PLXNA2: variants seen among roughly 807,000 people sequenced by gnomAD.
PLXNA2 encodes plexin-A2.
PLXNA2 carries 91 observed loss-of-function variants against 193.5 expected under a neutral mutation model. That is an observed-to-expected ratio of 0.47 (90% CI 0.40 to 0.56). The LOEUF is 0.56. Among genes scored for constraint, PLXNA2 ranks in the 20% least tolerant of loss-of-function variants. The pLI is 0.00. For missense variants in PLXNA2, 1,995 were observed against 2,503.2 expected, an observed-to-expected ratio of 0.80 and a Z score of 4.33; for synonymous variants, 997 against 1,027.3, an observed-to-expected ratio of 0.97 and a Z score of 0.56.
chr1:208,047,661 C>G (rs1665122579), intron 17 of PLXNA2, among the ~76,000 whole-genome samples: 1 of 152,256 alleles, frequency 6.6e-6, no homozygotes, highest in Non-Finnish European at 1.5e-5. Context: ...CTCAAGTACA[C>G]ACTGTCCTGG....
At chr1:208,215,918 C>T (rs1437105214) in intron 2 of PLXNA2, among the ~76,000 whole-genome samples, 1 of 152,164 alleles carries the variant, frequency 6.6e-6, no homozygotes, top group Admixed American at 6.5e-5. Context: ...TCATCCTCTC[C>T]TCTTTTGCCT....
intron 4 of PLXNA2, among the ~76,000 whole-genome samples, chr1:208,137,200 C>G (rs541296573): frequency 1.2e-4 from 18 of 152,220 alleles, no homozygotes; most frequent in Non-Finnish European, 2.5e-4. Context: ...TCCCAAGGCC[C>G]TTTCCAGTCT....
intron 4 of PLXNA2, among the ~76,000 whole-genome samples, chr1:208,123,551 G>T (rs757716722): frequency 1.1e-4 from 16 of 152,128 alleles, no homozygotes; most frequent in Non-Finnish European, 2.4e-4. Context: ...CTTGTCTCTT[G>T]GTTTTTATGA....
rs1665241720 is a variant in PLXNA2 at position 208,051,032 on chromosome 1, A to G, written c.3232T>C (p.Phe1078Leu). The G allele has an allele frequency of 1.2e-6, 2 of 1,613,744 alleles. No homozygotes were observed. Among genetic ancestry groups the G allele is most frequent in the Admixed American group, 1.7e-5 (1 of 60,002 alleles). Reference sequence around the variant, plus strand: ...ACATTGACAGATTCTTTGCCATTGAATTTGACTCGGATCCTTGGCTCCTGA... The same window carrying G: ...ACATTGACAGATTCTTTGCCATTGAGTTTGACTCGGATCCTTGGCTCCTGA... ...VIQEPRIRVK[F>L]NGKESVNVCK... The change falls in exon 17 of 32, where the codon TTC becomes CTC. Residue 1078 changes from phenylalanine (F) to leucine (L), a missense_variant. Phe to Leu is a conservative substitution (Grantham distance 22). Around this residue, in one of 3 missense-constraint regions of PLXNA2, gnomAD observed 1,291 missense variants for 1,673.6 expected, o/e 0.77. Transcript: ENST00000367033.
intron 4 of PLXNA2, among the ~76,000 whole-genome samples, chr1:208,141,226 C>T (rs1304607768): frequency 6.6e-6 from 1 of 152,328 alleles, no homozygotes; most frequent in East Asian, 1.9e-4. Flanking sequence ...TTAATGCTGT[C>T]GTGTGCACAC....
At chr1:208,081,026 C>T (rs1031899563) in intron 11 of PLXNA2, among the ~76,000 whole-genome samples, 4 of 152,220 alleles carry the variant, frequency 2.6e-5, no homozygotes, top group African/African-American at 9.6e-5. Context: ...GTGAAGACAA[C>T]GCTGTCTGTG....
intron 17 of PLXNA2, among the ~76,000 whole-genome samples, chr1:208,047,691 C>T (rs116001867): frequency 0.017 from 2,654 of 152,338 alleles, 40 homozygotes; most frequent in Middle Eastern, 0.031. Flanking sequence ...ACATGTTATG[C>T]GTCTGGCCAA....
chr1:208,141,604 C>T (rs1302560733), intron 4 of PLXNA2, among the ~76,000 whole-genome samples: 3 of 152,282 alleles, frequency 2.0e-5, no homozygotes, highest in East Asian at 1.9e-4. Context: ...GGAATGTGTC[C>T]GGCTTGGCTA....
chr1:208,222,431 A>C (rs146999635), intron 1 of PLXNA2, among the ~76,000 whole-genome samples: 63 of 152,328 alleles, frequency 4.1e-4, no homozygotes, highest in Non-Finnish European at 8.4e-4. Context: ...GTCTCCCAGC[A>C]CATGTAACTC....
chr1:208,144,799 A>G (rs748218825), intron 3 of PLXNA2, among the ~76,000 whole-genome samples: 1 of 152,088 alleles, frequency 6.6e-6, no homozygotes, highest in Non-Finnish European at 1.5e-5. Context: ...TTGCCTTGTC[A>G]TCTATCAGTA....
intron 4 of PLXNA2, among the ~76,000 whole-genome samples, chr1:208,113,972 G>A (rs1035742037): frequency 3.2e-4 from 49 of 152,164 alleles, no homozygotes; most frequent in African/African-American, 1.1e-3. Context: ...GACAGCTCGG[G>A]TAAGAGCATC....
At chr1:208,202,551 G>T (rs941950164) in intron 3 of PLXNA2, among the ~76,000 whole-genome samples, 4 of 152,188 alleles carry the variant, frequency 2.6e-5, no homozygotes, top group Admixed American at 2.0e-4. Context: ...GAAGGCAGGA[G>T]AGTGGACCAG....
Position 208,082,270 on chromosome 1 carries a change from C to A in PLXNA2, c.2395+142G>T, listed in dbSNP as rs1666369293. ...ACTCCTTTGATGACTCCAAATGTTG[C>A]TTTAGGATCCTCTGAAGAGTTCCGC... On this transcript the variant is annotated intron_variant, in intron 11 of 31. Coordinates refer to ENST00000367033, the MANE Select transcript of PLXNA2 (RefSeq NM_025179.4). The surrounding 1 kb of genome is among the most constrained non-coding windows in gnomAD (Gnocchi z 4.2). 3.7e-5 allele frequency: 25 copies of A among 680,302 alleles called. No individual in the cohort carries two copies. The South Asian group carries it at 3.7e-4, about 10-fold the overall frequency. 42.1% of individuals were successfully genotyped at this position (680,302 alleles called of 1,614,324 possible). A position where few individuals can be genotyped will look rare whatever the true frequency, so the allele number is the denominator to read the frequency against.
At chr1:208,132,944 G>C (rs1485052790) in intron 4 of PLXNA2, among the ~76,000 whole-genome samples, 5 of 152,214 alleles carry the variant, frequency 3.3e-5, no homozygotes, top group Non-Finnish European at 5.9e-5. Context: ...GCCAGGGCTT[G>C]AACCCAGGCT....
chr1:208,052,590 A>G (rs1665300177), intron 14 of PLXNA2, 127 bp from the exon 15 acceptor site: 1 of 843,852 alleles, frequency 1.2e-6, no homozygotes, highest in Admixed American at 2.5e-5. Flanking sequence ...TGTCCTTTTC[A>G]ATCCTAAATG....
chr1:208,200,169 C>T (rs1160269376), intron 3 of PLXNA2, among the ~76,000 whole-genome samples: 3 of 152,222 alleles, frequency 2.0e-5, no homozygotes, highest in African/African-American at 7.2e-5. Flanking sequence ...TGGGACAACC[C>T]AACGGCACCA....
At chr1:208,228,718 C>A (rs1671591858) in intron 1 of PLXNA2, among the ~76,000 whole-genome samples, 1 of 152,208 alleles carries the variant, frequency 6.6e-6, no homozygotes, top group Non-Finnish European at 1.5e-5. Flanking sequence ...CTGCCCACCT[C>A]TCCCAGAGTG....
At chr1:208,173,929 G>C (rs1002102273) in intron 3 of PLXNA2, among the ~76,000 whole-genome samples, 1 of 152,242 alleles carries the variant, frequency 6.6e-6, no homozygotes, top group Non-Finnish European at 1.5e-5. Context: ...AATGCCATGC[G>C]GGTACCAGGA....
chr1:208,092,955 G>A lies in PLXNA2; in HGVS notation c.1983-55C>T, dbSNP rs148440636. The stretch of plus-strand genomic sequence containing the variant: ...GAGAAGAGAACAAAGAGGGAAGGTG[G>A]CATGTGTCATGATAGAAGTCTGTTA... On this transcript the variant is annotated intron_variant, in intron 8 of 31. Coordinates refer to ENST00000367033, the MANE Select transcript of PLXNA2 (RefSeq NM_025179.4). 818 of 1,241,526 alleles carry A rather than the reference G, an allele frequency of 6.6e-4. 5 individuals are homozygous for A. The African/African-American group carries it at 0.01, about 16-fold the overall frequency. The allele number at this position is 1,241,526 out of a possible 1,614,324, so 76.9% of individuals were successfully genotyped here. A position where few individuals can be genotyped will look rare whatever the true frequency, so the allele number is the denominator to read the frequency against.
Sources: gnomAD v4.1 joint callset for allele counts (sites outside exome capture counted in the v4.1 genomes callset) on GRCh38, gnomAD v4.1.1 for gene constraint, gnomAD v4.1.1 regional missense constraint, Gnocchi (gnomAD v3.1) non-coding constraint, MANE v1.5 for transcripts, NCBI Gene and HGNC (gene_info 2026-07-23, HGNC 2026-07-21) for gene names.